The following NECAB1 variants were observed in gnomAD, a reference collection of about 807,000 sequenced individuals.
The protein encoded by NECAB1 is N-terminal EF-hand calcium-binding protein 1.
A neutral mutation model predicts 57.5 loss-of-function variants in NECAB1; 29 were observed. That is an observed-to-expected ratio of 0.50 (90% CI 0.38 to 0.69). The LOEUF (loss-of-function observed/expected upper bound fraction) is 0.69. Among genes scored for constraint, NECAB1 ranks in the 30% least tolerant of loss-of-function variants. The probability of loss-of-function intolerance (pLI) is 0.00; values close to 1 mark genes in which losing one functional copy is unlikely to be tolerated. For missense variants in NECAB1, 372 were observed against 413.8 expected, an observed-to-expected ratio of 0.90 and a Z score of 0.88; for synonymous variants, 142 against 147.7, an observed-to-expected ratio of 0.96 and a Z score of 0.28.
chr8:90,944,034 G>C (rs1248638598), intron 10 of NECAB1, among the ~76,000 whole-genome samples: 1 of 152,204 alleles, frequency 6.6e-6, no homozygotes, highest in Admixed American at 6.5e-5. Context: ...TTACAGGCTT[G>C]AGCCACTGTG....
chr8:90,795,764 C>A (rs917424133), intron 1 of NECAB1, among the ~76,000 whole-genome samples: 4 of 151,856 alleles, frequency 2.6e-5, no homozygotes, highest in African/African-American at 9.7e-5. Flanking sequence ...GTGAGATTGT[C>A]CAGTTCAGAG....
intron 2 of NECAB1, among the ~76,000 whole-genome samples, chr8:90,805,839 T>G (rs1204803717): frequency 6.6e-6 from 1 of 152,168 alleles, no homozygotes; most frequent in African/African-American, 2.4e-5. Flanking sequence ...ATAATCAAAT[T>G]AATTAAAACA....
intron 5 of NECAB1, among the ~76,000 whole-genome samples, chr8:90,905,185 G>A (rs554485242): frequency 6.6e-6 from 1 of 152,254 alleles, no homozygotes; most frequent in African/African-American, 2.4e-5. Flanking sequence ...TTAAACAAAT[G>A]CTATAAATCA....
intron 3 of NECAB1, among the ~76,000 whole-genome samples, chr8:90,848,741 T>C (rs1812617232): frequency 6.6e-6 from 1 of 151,922 alleles, no homozygotes; most frequent in South Asian, 2.1e-4. Flanking sequence ...TCCCAGCACT[T>C]TGGGAGGCTG....
intron 3 of NECAB1, among the ~76,000 whole-genome samples, chr8:90,835,501 C>T (rs1403990943): frequency 2.0e-5 from 3 of 151,958 alleles, no homozygotes; most frequent in Non-Finnish European, 4.4e-5. Flanking sequence ...AACATAAGAA[C>T]CCATTTTGCG....
intron 5 of NECAB1, among the ~76,000 whole-genome samples, chr8:90,887,657 A>G (rs1809039683): frequency 1.3e-5 from 2 of 152,156 alleles, no homozygotes; most frequent in South Asian, 2.1e-4. Flanking sequence ...AGAATGGGCA[A>G]TTTTAATAAA....
At chr8:90,800,156 A>G (rs78577905) in intron 1 of NECAB1, among the ~76,000 whole-genome samples, 2,192 of 152,216 alleles carry the variant, frequency 0.014, 55 homozygotes, top group African/African-American at 0.05. Flanking sequence ...CCTTTATTTT[A>G]TATCCTGAAA....
At chr8:90,799,315 T>C (rs540407766) in intron 1 of NECAB1, among the ~76,000 whole-genome samples, 1 of 152,322 alleles carries the variant, frequency 6.6e-6, no homozygotes, top group African/African-American at 2.4e-5. Context: ...GTCCCACTTG[T>C]CAATTTTTGT....
intron 3 of NECAB1, among the ~76,000 whole-genome samples, chr8:90,854,820 G>C (rs1443828803): frequency 6.6e-6 from 1 of 152,298 alleles, no homozygotes; most frequent in African/African-American, 2.4e-5. Context: ...CCCACCATGG[G>C]AGTGTAACCA....
chr8:90,908,425 A>C (rs1206488516), intron 5 of NECAB1, among the ~76,000 whole-genome samples: 1 of 152,086 alleles, frequency 6.6e-6, no homozygotes, highest in Non-Finnish European at 1.5e-5. Flanking sequence ...TCTACGTTAC[A>C]CTCCAGAAAA....
In NECAB1 at chr8:90,949,146, T is replaced by TTGTGTG. The variant is rs59311652; in HGVS notation, c.861-615_861-610dup. ...ACTTCATCCAGAGACAACAGGCACT[T>TTGTGTG]TGTGTGTGTGTGTGTGTGTGTGTGT... is the stretch of plus-strand genomic sequence containing the variant. On this transcript the variant is annotated intron_variant, in intron 10 of 12. Coordinates refer to ENST00000417640, the MANE Select transcript of NECAB1 (RefSeq NM_022351.5). 4.2e-3 allele frequency among the ~76,000 whole-genome samples: 546 copies of TTGTGTG among 129,960 alleles called. 3 individuals are homozygous for TTGTGTG. Among genetic ancestry groups the TTGTGTG allele is most frequent in the South Asian group, 0.013 (48 of 3,568 alleles). The allele number at this position is 129,960 out of a possible 152,430, so 85.3% of individuals were successfully genotyped here. A position where few individuals can be genotyped will look rare whatever the true frequency, so the allele number is the denominator to read the frequency against.
At chr8:90,851,763 T>G (rs1812688193) in intron 3 of NECAB1, among the ~76,000 whole-genome samples, 1 of 152,166 alleles carries the variant, frequency 6.6e-6, no homozygotes. Flanking sequence ...ACTGATGAAC[T>G]TACATTGACA....
intron 3 of NECAB1, chr8:90,825,143 T>A (rs1469279828): frequency 6.2e-6 from 1 of 161,946 alleles, no homozygotes; most frequent in Non-Finnish European, 1.3e-5. Flanking sequence ...TTTTACCTTG[T>A]TATTTAGGCT....
rs530739151 is a variant in NECAB1, at chr8:90,898,253, A to G, written c.357+17123A>G. On this transcript the variant is annotated intron_variant, in intron 5 of 12. Coordinates refer to ENST00000417640, the MANE Select transcript of NECAB1 (RefSeq NM_022351.5). ...AGATAGGAAGTCAAGGCTCACCCCA[A>G]TGCTCTCTCTCAAGTCTCACCTCCC... Among the ~76,000 whole-genome samples the G allele has an allele frequency of 3.3e-5, 5 of 152,182 alleles. No individual in the cohort carries two copies. The East Asian group carries it at 5.8e-4, about 18-fold the overall frequency.
In NECAB1 at chr8:90,934,327, A is replaced by C; in HGVS notation, c.717A>C (p.Glu239Asp). The change falls in exon 9 of 13, where the codon GAA becomes GAC. Residue 239 changes from glutamate to aspartate, a missense_variant. Coordinates refer to ENST00000417640, the MANE Select transcript of NECAB1 (RefSeq NM_022351.5). ...EKKDLKLEPP[E>D]EEIIEGNTKS... ...AGGATCTCAAACTCGAACCACCAGA[A>C]GAAGAAATTATTGAAGGGAATACTA... 6.6e-7 allele frequency: 1 copy of C among 1,517,868 alleles called. No individual in the cohort carries two copies. Among genetic ancestry groups the C allele is most frequent in the Non-Finnish European group, 8.8e-7 (1 of 1,133,314 alleles). 94.0% of individuals were successfully genotyped at this position (1,517,868 alleles called of 1,614,324 possible).
intron 2 of NECAB1, among the ~76,000 whole-genome samples, chr8:90,813,801 C>CA (rs980114966): frequency 6.6e-6 from 1 of 151,954 alleles, no homozygotes; most frequent in Non-Finnish European, 1.5e-5. Context: ...ACTAATTTTT[C>CA]AAAAAAGTTT....
chr8:90,834,405 A>G lies in NECAB1; in HGVS notation c.233+9580A>G, dbSNP rs77045559. On this transcript the variant is annotated intron_variant, in intron 3 of 12. Transcript: ENST00000417640. Reference sequence around the variant, plus strand: ...AGGGCCTTTGGCAAATGACTAGGTCATAAGGATTCCACCCTCATGAATGGG... The same window carrying G: ...AGGGCCTTTGGCAAATGACTAGGTCGTAAGGATTCCACCCTCATGAATGGG... Among the ~76,000 whole-genome samples the G allele has an allele frequency of 5.8e-3, 882 of 152,282 alleles. 7 individuals carry two copies. Among genetic ancestry groups the G allele is most frequent in the Non-Finnish European group, 9.9e-3 (670 of 68,014 alleles).
At chr8:90,844,585 G>A (rs1812521676) in intron 3 of NECAB1, among the ~76,000 whole-genome samples, 1 of 152,086 alleles carries the variant, frequency 6.6e-6, no homozygotes, top group African/African-American at 2.4e-5. Flanking sequence ...CTAAACTTCT[G>A]TAGGGCTCTC....
rs5893141 is a variant in NECAB1 at position 90,875,844 on chromosome 8, CAAA to C, written c.259+3706_259+3708del. Among the ~76,000 whole-genome samples, 29 of 88,408 alleles carry C rather than the reference CAAA, an allele frequency of 3.3e-4. 1 individual carries two copies. Among genetic ancestry groups the C allele is most frequent in the Middle Eastern group, 0.012 (2 of 164 alleles). The allele number at this position is 88,408 out of a possible 152,430, so 58.0% of individuals were successfully genotyped here. On this transcript the variant is annotated intron_variant, in intron 4 of 12. Coordinates refer to ENST00000417640, the MANE Select transcript of NECAB1 (RefSeq NM_022351.5). ...TGAAACCCCATCTCTACTAAAAATA[CAAA>C]AAAAAAAAAAAAAATTACCGGGCGT... is the stretch of plus-strand genomic sequence containing the variant.
Sources: allele counts gnomAD v4.1 joint callset (sites outside exome capture counted in the v4.1 genomes callset), GRCh38; gene constraint gnomAD v4.1.1; transcripts MANE v1.5; gene names NCBI Gene and HGNC (gene_info 2026-07-23, HGNC 2026-07-21).